SDK1: variants seen among roughly 807,000 people sequenced by gnomAD.
SDK1 encodes sidekick cell adhesion molecule 1, also known as protein sidekick-1.
SDK1 carries 157 observed loss-of-function variants against 245.5 expected under a neutral mutation model. That is an observed-to-expected ratio of 0.64 (90% CI 0.56 to 0.73). SDK1 has a LOEUF of 0.73. Ranked by LOEUF, SDK1 falls within the 30% of genes least tolerant of loss-of-function variation. SDK1 has a pLI of 0.00. For synonymous variants in SDK1, 1,647 were observed against 1,278.5 expected (o/e 1.29, Z -6.15); for missense variants, 3,583 against 3,002.3 (o/e 1.19, Z -4.52).
intron 22 of SDK1, among the ~76,000 whole-genome samples, chr7:4,084,721 G>T (rs1562786890): frequency 1.0e-5 from 1 of 98,568 alleles, no homozygotes. Context: ...GTTATGTTAT[G>T]TTATGTTATG....
chr7:3,719,761 G>A (rs746516363), intron 4 of SDK1, among the ~76,000 whole-genome samples: 68 of 152,136 alleles, frequency 4.5e-4, no homozygotes, highest in Non-Finnish European at 8.1e-4. Flanking sequence ...GGTGGATCAT[G>A]AGGTGAAGAG....
chr7:4,224,285 T>TGGGGA (rs1785297636), intron 40 of SDK1, among the ~76,000 whole-genome samples: 1 of 152,226 alleles, frequency 6.6e-6, no homozygotes, highest in Admixed American at 6.5e-5. Flanking sequence ...GCTTTGCTTC[T>TGGGGA]GGGGAGGCCC....
chr7:4,193,292 T>C (rs1392600128), intron 35 of SDK1, among the ~76,000 whole-genome samples: 1 of 134,002 alleles, frequency 7.5e-6, no homozygotes, highest in Non-Finnish European at 1.5e-5. Context: ...ACATATAAAA[T>C]TACATATAAA....
At chr7:4,223,076 C>G (rs1313667743) in intron 40 of SDK1, among the ~76,000 whole-genome samples, 1 of 150,012 alleles carries the variant, frequency 6.7e-6, no homozygotes, top group African/African-American at 2.5e-5. Context: ...GAGCAAGGCT[C>G]CGTCTCAAAA....
chr7:4,005,933 G>A (rs530114053), intron 14 of SDK1, among the ~76,000 whole-genome samples: 7 of 151,098 alleles, frequency 4.6e-5, no homozygotes, highest in East Asian at 1.9e-4. Flanking sequence ...GGGATGGAAT[G>A]TATTGTGGGA....
intron 4 of SDK1, among the ~76,000 whole-genome samples, chr7:3,797,950 T>A (rs1004005708): frequency 6.6e-6 from 1 of 152,182 alleles, no homozygotes; most frequent in South Asian, 2.1e-4. Context: ...TTGAGACTTA[T>A]AAAAGAGTTG....
At chr7:3,335,062 T>A (rs932660682) in intron 1 of SDK1, among the ~76,000 whole-genome samples, 11 of 152,154 alleles carry the variant, frequency 7.2e-5, no homozygotes, top group African/African-American at 2.7e-4. Flanking sequence ...CTGAAACCAG[T>A]CACTTATAAT....
chr7:3,515,475 T>A (rs542557992), intron 1 of SDK1, among the ~76,000 whole-genome samples: 3 of 152,290 alleles, frequency 2.0e-5, no homozygotes, highest in African/African-American at 4.8e-5. Flanking sequence ...TCTAACTCTG[T>A]AACTTCATGA....
chr7:3,873,848 A>G (rs899729973), intron 5 of SDK1, among the ~76,000 whole-genome samples: 2 of 152,098 alleles, frequency 1.3e-5, no homozygotes, highest in East Asian at 3.8e-4. Flanking sequence ...GTCTGATCCT[A>G]TATGTTATTT....
At chr7:3,861,243 A>G (rs918387156) in intron 5 of SDK1, among the ~76,000 whole-genome samples, 1 of 152,214 alleles carries the variant, frequency 6.6e-6, no homozygotes, top group African/African-American at 2.4e-5. Context: ...ATTATATGCA[A>G]AGGTCAGTGA....
Position 4,051,668 on chromosome 7 carries a change from G to A in SDK1, c.2749G>A (p.Ala917Thr). ...LLAWPADAPE[A>T]VTVVTIAPDF... Reference sequence around the variant, plus strand: ...GGCATGGCCGGCAGATGCCCCCGAGGCTGTCACTGTGGTCACTATTGCCCC... The same window carrying A: ...GGCATGGCCGGCAGATGCCCCCGAGACTGTCACTGTGGTCACTATTGCCCC... The change falls in exon 19 of 45, where the codon GCT becomes ACT. Residue 917 changes from alanine (A) to threonine (T), a missense_variant. By Grantham distance (58) the Ala-to-Thr change is moderately conservative (BLOSUM62 0). Coordinates refer to ENST00000404826, the MANE Select transcript of SDK1 (RefSeq NM_152744.4). 1 of 1,612,366 alleles carries A rather than the reference G, an allele frequency of 6.2e-7. No homozygotes were observed. Among genetic ancestry groups the A allele is most frequent in the Non-Finnish European group, 8.5e-7 (1 of 1,179,260 alleles).
At chr7:3,403,045 C>T (rs1481399871) in intron 1 of SDK1, among the ~76,000 whole-genome samples, 1 of 152,150 alleles carries the variant, frequency 6.6e-6, no homozygotes, top group Non-Finnish European at 1.5e-5. Context: ...AGTGATTCTC[C>T]TGCCTCAGCC....
chr7:3,696,493 G>A (rs1056373431), intron 4 of SDK1, among the ~76,000 whole-genome samples: 5 of 151,970 alleles, frequency 3.3e-5, no homozygotes, highest in African/African-American at 7.3e-5. Flanking sequence ...ATCCTCATCT[G>A]AGCCCAGGAT....
intron 40 of SDK1, chr7:4,227,414 C>T: frequency 2.1e-6 from 1 of 471,162 alleles, no homozygotes; most frequent in Non-Finnish European, 4.4e-6. Flanking sequence ...GAATGAGGAT[C>T]CGATGGAAGG....
chr7:3,592,814 A>T (rs968367426), intron 1 of SDK1, among the ~76,000 whole-genome samples: 6 of 152,202 alleles, frequency 3.9e-5, no homozygotes, highest in Non-Finnish European at 1.5e-5. Context: ...TGATCTGATT[A>T]TTAGGAAGTA....
Position 3,687,056 on chromosome 7 carries a change from AACACACACACACACACACACACAC to A in SDK1, c.713+44972_713+44995del, listed in dbSNP as rs200034994. ...CCAAACTGGGTTGGGATAGCATCAA[AACACACACACACACACACACACAC>A]ACACACACACACACACACACCACCC... On this transcript the variant is annotated intron_variant, in intron 4 of 44. Coordinates refer to ENST00000404826, the MANE Select transcript of SDK1 (RefSeq NM_152744.4). 3.2e-3 allele frequency among the ~76,000 whole-genome samples: 436 copies of A among 135,254 alleles called. 1 individual carries two copies. Among genetic ancestry groups the A allele is most frequent in the Admixed American group, 5.8e-3 (80 of 13,696 alleles). 88.7% of individuals were successfully genotyped at this position (135,254 alleles called of 152,430 possible).
intron 17 of SDK1, among the ~76,000 whole-genome samples, chr7:4,036,746 A>G (rs941740369): frequency 2.0e-5 from 3 of 152,136 alleles, no homozygotes; most frequent in African/African-American, 7.2e-5. Context: ...CCCTTCTGTC[A>G]TATGAGATTA....
At chr7:3,739,379 A>T (rs1194252964) in intron 4 of SDK1, among the ~76,000 whole-genome samples, 1 of 152,128 alleles carries the variant, frequency 6.6e-6, no homozygotes, top group African/African-American at 2.4e-5. Context: ...ATACTTTTCC[A>T]GTATTCTTTC....
intron 4 of SDK1, among the ~76,000 whole-genome samples, chr7:3,665,275 C>T (rs1783490934): frequency 6.6e-6 from 1 of 152,194 alleles, no homozygotes; most frequent in Non-Finnish European, 1.5e-5. Context: ...TGAGCCCCCT[C>T]TTTCACTATA....
Sources: gnomAD v4.1 joint callset for allele counts (sites outside exome capture counted in the v4.1 genomes callset) on GRCh38, gnomAD v4.1.1 for gene constraint, MANE v1.5 for transcripts, NCBI Gene and HGNC (gene_info 2026-07-23, HGNC 2026-07-21) for gene names.